The following POU2AF2 variants were observed in gnomAD, a reference collection of about 807,000 sequenced individuals.
The protein encoded by POU2AF2 is POU class 2 homeobox associating factor 2.
the POU2AF2 span, among the ~76,000 whole-genome samples, chr11:111,273,032 A>G: frequency 6.6e-6 from 1 of 152,122 alleles, no homozygotes; most frequent in Non-Finnish European, 1.5e-5. Flanking sequence ...TATTTTTCTT[A>G]TTTACAATCA....
the POU2AF2 span, among the ~76,000 whole-genome samples, chr11:111,273,110 T>G: frequency 6.6e-6 from 1 of 152,224 alleles, no homozygotes; most frequent in Non-Finnish European, 1.5e-5. Flanking sequence ...GTAATAAGAT[T>G]TATAAGATAT....
At chr11:111,253,762 T>C in the POU2AF2 span, among the ~76,000 whole-genome samples, 35,143 of 152,178 alleles carry the variant, frequency 0.23, 4,450 homozygotes, top group East Asian at 0.41. Context: ...CTCTTCCCTA[T>C]ACCAGAAACA....
At chr11:111,274,460 T>C in the POU2AF2 span, among the ~76,000 whole-genome samples, 4 of 152,040 alleles carry the variant, frequency 2.6e-5, no homozygotes, top group African/African-American at 9.7e-5. Flanking sequence ...CCCTTAAATT[T>C]TGTGAATTTT....
chr11:111,246,217 G>C, the POU2AF2 span, among the ~76,000 whole-genome samples: 5,958 of 152,258 alleles, frequency 0.039, 319 homozygotes, highest in East Asian at 0.26. Context: ...GCAAATTTCA[G>C]TAAGCTCTCA....
chr11:111,279,116 C>T, the POU2AF2 span, among the ~76,000 whole-genome samples: 1 of 152,176 alleles, frequency 6.6e-6, no homozygotes, highest in African/African-American at 2.4e-5. Context: ...TCCAGGACAT[C>T]TCGGAGCCAT....
the POU2AF2 span, among the ~76,000 whole-genome samples, chr11:111,252,748 C>T: frequency 1.3e-5 from 2 of 151,970 alleles, no homozygotes; most frequent in Non-Finnish European, 2.9e-5. Flanking sequence ...ATTTTCAACT[C>T]TCTCCCACTC....
chr11:111,249,974 C>G, the POU2AF2 span, among the ~76,000 whole-genome samples: 1 of 152,154 alleles, frequency 6.6e-6, no homozygotes, highest in Non-Finnish European at 1.5e-5. Context: ...CTTCAATTAC[C>G]ATAATTCTAA....
At chr11:111,265,374 T>C in the POU2AF2 span, among the ~76,000 whole-genome samples, 1 of 152,136 alleles carries the variant, frequency 6.6e-6, no homozygotes, top group Non-Finnish European at 1.5e-5. Context: ...TTGCCATTTC[T>C]GTTTGTTCCT....
the POU2AF2 span, among the ~76,000 whole-genome samples, chr11:111,272,340 A>G: frequency 6.6e-6 from 1 of 152,180 alleles, no homozygotes; most frequent in African/African-American, 2.4e-5. Flanking sequence ...AATTCAGGCT[A>G]TGTCACTTAG....
the POU2AF2 span, chr11:111,286,060 G>A: frequency 1.2e-6 from 2 of 1,602,238 alleles, no homozygotes; most frequent in Non-Finnish European, 1.7e-6. Flanking sequence ...ATTGAGGGGA[G>A]GGCCAAATGA....
chr11:111,258,041 C>T, the POU2AF2 span, among the ~76,000 whole-genome samples: 1 of 152,146 alleles, frequency 6.6e-6, no homozygotes, highest in Admixed American at 6.6e-5. Flanking sequence ...TCATTTGAAC[C>T]TGGGAGGCAG....
chr11:111,252,542 G>C, the POU2AF2 span, among the ~76,000 whole-genome samples: 3 of 151,716 alleles, frequency 2.0e-5, no homozygotes, highest in Admixed American at 6.6e-5. Context: ...CAGCCTGCTT[G>C]ATGTGCACTA....
chr11:111,247,918 G>T, the POU2AF2 span, among the ~76,000 whole-genome samples: 1 of 122,648 alleles, frequency 8.2e-6, no homozygotes. Context: ...TCGCTTTGTC[G>T]CTCAGGCTGG....
chr11:111,280,875 T>G, the POU2AF2 span, among the ~76,000 whole-genome samples: 1 of 152,218 alleles, frequency 6.6e-6, no homozygotes, highest in South Asian at 2.1e-4. Flanking sequence ...AAGAAATTCA[T>G]GCGAGTTTTG....
chr11:111,277,783 CT>C, the POU2AF2 span, among the ~76,000 whole-genome samples: 1 of 152,210 alleles, frequency 6.6e-6, no homozygotes, highest in Non-Finnish European at 1.5e-5. Flanking sequence ...CTACCACCCC[CT>C]GGCACATCCT....
the POU2AF2 span, among the ~76,000 whole-genome samples, chr11:111,270,682 C>T: frequency 6.6e-6 from 1 of 152,106 alleles, no homozygotes; most frequent in Non-Finnish European, 1.5e-5. Flanking sequence ...TGCCAGCCGC[C>T]TCTCATACAG....
At chr11:111,282,638 G>A in the POU2AF2 span, among the ~76,000 whole-genome samples, 1 of 152,230 alleles carries the variant, frequency 6.6e-6, no homozygotes, top group African/African-American at 2.4e-5. Context: ...GGTGAAAGAG[G>A]AATGAGCATA....
the POU2AF2 span, among the ~76,000 whole-genome samples, chr11:111,279,075 A>G: frequency 2.6e-5 from 4 of 152,174 alleles, no homozygotes. Flanking sequence ...CTTAACTTCC[A>G]CAGAAGCTAC....
At chr11:111,265,675 T>C in the POU2AF2 span, among the ~76,000 whole-genome samples, 1 of 152,158 alleles carries the variant, frequency 6.6e-6, no homozygotes, top group East Asian at 1.9e-4. Flanking sequence ...ATAGCGGTAC[T>C]TGATAAATGT....
Sources: allele counts gnomAD v4.1 joint callset (sites outside exome capture counted in the v4.1 genomes callset), GRCh38; gene constraint gnomAD v4.1.1; transcripts MANE v1.5; gene names NCBI Gene and HGNC (gene_info 2026-07-23, HGNC 2026-07-21).